The following TBC1D12 variants were observed in gnomAD, a reference collection of about 807,000 sequenced individuals.
The protein encoded by TBC1D12 is TBC1 domain family member 12, also known as TBC1 domain family, member 12.
TBC1D12 carries 56 observed loss-of-function variants against 86.7 expected under a neutral mutation model. That is an observed-to-expected ratio of 0.65 (90% CI 0.52 to 0.81). The LOEUF (loss-of-function observed/expected upper bound fraction) is 0.81, where lower values mean the gene tolerates loss of function less well. Among genes scored for constraint, TBC1D12 ranks in the 30% least tolerant of loss-of-function variants. TBC1D12 has a pLI of 0.00. For synonymous variants in TBC1D12, 421 were observed against 411.7 expected (o/e 1.02, Z -0.27); for missense variants, 1,023 against 1,038.8 (o/e 0.98, Z 0.21).
intron 1 of TBC1D12, among the ~76,000 whole-genome samples, chr10:94,409,927 G>C (rs560412696): frequency 3.3e-5 from 5 of 152,230 alleles, no homozygotes; most frequent in Admixed American, 6.5e-5. Flanking sequence ...TGGTACATTT[G>C]TCACAACTAA....
At position 94,503,889 on chromosome 10, in the gene TBC1D12, T is replaced by C. The variant is rs1170352519; in HGVS notation, c.1520-3378T>C. The stretch of plus-strand genomic sequence containing the variant: ...ATAGGCCCACCTCGGCCTCCCAAAG[T>C]GCTGGGCTTACAGGCATGAGCCACT... On this transcript the variant is annotated intron_variant, in intron 6 of 12. Coordinates refer to ENST00000225235, the MANE Select transcript of TBC1D12 (RefSeq NM_015188.2). Among the ~76,000 whole-genome samples, 3 of 152,232 alleles carry C rather than the reference T, an allele frequency of 2.0e-5. No homozygotes were observed. The East Asian group carries it at 5.8e-4, about 29-fold the overall frequency.
intron 1 of TBC1D12, among the ~76,000 whole-genome samples, chr10:94,428,543 C>G (rs527679307): frequency 1.3e-5 from 2 of 152,226 alleles, no homozygotes; most frequent in East Asian, 1.9e-4. Flanking sequence ...CTGCTTCATT[C>G]AGCCTCCCAA....
At chr10:94,434,676 C>T (rs560229386) in intron 1 of TBC1D12, among the ~76,000 whole-genome samples, 2 of 151,972 alleles carry the variant, frequency 1.3e-5, no homozygotes, top group South Asian at 2.1e-4. Context: ...GAGGCCGAGG[C>T]GGGAAGATTA....
chr10:94,493,531 A>G, intron 4 of TBC1D12, 84 bp downstream of exon 4: 1 of 991,124 alleles, frequency 1.0e-6, no homozygotes, highest in Admixed American at 2.4e-5. Flanking sequence ...TGTCTTCAAG[A>G]TGATACTGAA....
chr10:94,514,969 G>A (rs1463066594), intron 9 of TBC1D12, among the ~76,000 whole-genome samples: 1 of 143,530 alleles, frequency 7.0e-6, no homozygotes, highest in African/African-American at 2.6e-5. Context: ...GTGCAGTGGC[G>A]GGATCTCGGC....
chr10:94,516,330 CA>C (rs941396346), intron 9 of TBC1D12, among the ~76,000 whole-genome samples: 4 of 151,700 alleles, frequency 2.6e-5, no homozygotes, highest in Admixed American at 2.0e-4. Flanking sequence ...CTGATCAAAA[CA>C]AATCTATTAG....
intron 8 of TBC1D12, among the ~76,000 whole-genome samples, chr10:94,510,508 T>G (rs2134205432): frequency 6.6e-6 from 1 of 152,326 alleles, no homozygotes; most frequent in South Asian, 2.1e-4. Context: ...ATTGTTAAAG[T>G]ATAAAGAACT....
At chr10:94,463,313 A>G (rs2055757294) in intron 2 of TBC1D12, among the ~76,000 whole-genome samples, 1 of 152,228 alleles carries the variant, frequency 6.6e-6, no homozygotes, top group African/African-American at 2.4e-5. Context: ...GTTACAGAGG[A>G]TGAAAAGTCC....
At chr10:94,531,720 TTA>T (rs1432400411) in intron 12 of TBC1D12, among the ~76,000 whole-genome samples, 1 of 132,432 alleles carries the variant, frequency 7.6e-6, no homozygotes, top group African/African-American at 2.5e-5. Context: ...TTATGTTATT[TTA>T]TGTTATTTTA....
intron 2 of TBC1D12, among the ~76,000 whole-genome samples, chr10:94,464,832 AT>A (rs981614644): frequency 6.6e-6 from 1 of 152,200 alleles, no homozygotes; most frequent in African/African-American, 2.4e-5. Flanking sequence ...AAAAATGACT[AT>A]TAAAAAACAA....
rs2054791028 is a variant in TBC1D12, at chr10:94,403,026, C to T, written c.413C>T (p.Ser138Leu). The change falls in exon 1 of 13, where the codon TCG becomes TTG. Residue 138 changes from serine to leucine, a missense_variant. Ser to Leu is a moderately radical substitution (Grantham distance 145). Transcript: ENST00000225235. ...PRHEGMTNGD[S>L]GFLPGRDCRD... Reference sequence around the variant, plus strand: ...CACGAAGGCATGACCAACGGCGACTCGGGTTTTCTGCCGGGCCGGGACTGT... The same window carrying T: ...CACGAAGGCATGACCAACGGCGACTTGGGTTTTCTGCCGGGCCGGGACTGT... 2 of 1,571,434 alleles carry T rather than the reference C, an allele frequency of 1.3e-6. No homozygotes were observed. Among genetic ancestry groups the T allele is most frequent in the Non-Finnish European group, 1.7e-6 (2 of 1,163,132 alleles).
Position 94,492,458 on chromosome 10 carries a change from C to T in TBC1D12, c.1212-907C>T, listed in dbSNP as rs139701004. Among the ~76,000 whole-genome samples the T allele has an allele frequency of 2.3e-3, 352 of 152,254 alleles. 1 individual carries two copies. Among genetic ancestry groups the T allele is most frequent in the African/African-American group, 8.1e-3 (338 of 41,544 alleles). On this transcript the variant is annotated intron_variant, in intron 3 of 12. Coordinates refer to ENST00000225235, the MANE Select transcript of TBC1D12 (RefSeq NM_015188.2). ...TAAGGGAAATGAAAGCAAATGTCTA[C>T]ACAAAAACTTGATGTTAATTTTTAC... is the stretch of plus-strand genomic sequence containing the variant.
chr10:94,518,526 C>T lies in TBC1D12; in HGVS notation c.1762-3429C>T, dbSNP rs138353733. 9.9e-5 allele frequency among the ~76,000 whole-genome samples: 15 copies of T among 152,194 alleles called. No homozygotes were observed. The East Asian group carries it at 1.9e-3, about 20-fold the overall frequency. On this transcript the variant is annotated intron_variant, in intron 9 of 12. Coordinates refer to ENST00000225235, the MANE Select transcript of TBC1D12 (RefSeq NM_015188.2). ...TTCAAAAGTTAAGTCTAGCTGTTTGCGGAACGACCCTCAACTTGAATTTGA... is the reference window on the plus strand; with the variant it reads ...TTCAAAAGTTAAGTCTAGCTGTTTGTGGAACGACCCTCAACTTGAATTTGA...
chr10:94,441,834 T>C, intron 1 of TBC1D12, 62 bp from the exon 2 acceptor site: 1 of 1,538,630 alleles, frequency 6.5e-7, no homozygotes, highest in Non-Finnish European at 8.8e-7. Context: ...TATTATAAAA[T>C]TACTGTTAAA....
chr10:94,532,148 G>A (rs915312766), intron 12 of TBC1D12, among the ~76,000 whole-genome samples: 1 of 150,514 alleles, frequency 6.6e-6, no homozygotes, highest in African/African-American at 2.5e-5. Flanking sequence ...CCAAAGTGTT[G>A]GGATTACAGG....
intron 1 of TBC1D12, among the ~76,000 whole-genome samples, chr10:94,408,927 C>T (rs2054891782): frequency 6.6e-6 from 1 of 152,144 alleles, no homozygotes. Flanking sequence ...CTGTTTTGTT[C>T]AGGATCAACT....
chr10:94,520,508 A>T (rs1183501343), intron 9 of TBC1D12, among the ~76,000 whole-genome samples: 1 of 151,854 alleles, frequency 6.6e-6, no homozygotes, highest in South Asian at 2.1e-4. Flanking sequence ...CTGAGATCAC[A>T]CCATTGCACT....
intron 2 of TBC1D12, among the ~76,000 whole-genome samples, chr10:94,469,736 C>T (rs2055876043): frequency 6.6e-6 from 1 of 152,106 alleles, no homozygotes; most frequent in South Asian, 2.1e-4. Flanking sequence ...AGGTGTGAGC[C>T]ACTGTGCAGG....
intron 1 of TBC1D12, among the ~76,000 whole-genome samples, chr10:94,423,280 C>T (rs2055101688): frequency 6.6e-6 from 1 of 151,496 alleles, no homozygotes; most frequent in Non-Finnish European, 1.5e-5. Flanking sequence ...TGCTTTCTAC[C>T]TACAAAGGCT....
Sources: allele counts gnomAD v4.1 joint callset (sites outside exome capture counted in the v4.1 genomes callset), GRCh38; gene constraint gnomAD v4.1.1; transcripts MANE v1.5; gene names NCBI Gene and HGNC (gene_info 2026-07-23, HGNC 2026-07-21).